HIBADH: variants seen among roughly 807,000 people sequenced by gnomAD.
HIBADH encodes the protein 3-hydroxyisobutyrate dehydrogenase, mitochondrial.
HIBADH carries 25 observed loss-of-function variants against 36.1 expected under a neutral mutation model. The ratio of observed to expected loss-of-function variants is 0.69; its 90% confidence interval spans 0.50 to 0.97. HIBADH has a LOEUF of 0.97. Among genes scored for constraint, HIBADH ranks in the 50% least tolerant of loss-of-function variants. The probability of loss-of-function intolerance (pLI) is 0.00; values close to 1 mark genes in which losing one functional copy is unlikely to be tolerated. For synonymous variants in HIBADH, 160 were observed against 149.5 expected (o/e 1.07, Z -0.51); for missense variants, 421 against 418.0 (o/e 1.01, Z -0.06).
chr7:27,629,235 G>C, intron 4 of HIBADH, 136 bp downstream of exon 4: 1 of 753,056 alleles, frequency 1.3e-6, no homozygotes, highest in Non-Finnish European at 2.1e-6. Flanking sequence ...TAACGTATCA[G>C]TTTGGCTTTA....
chr7:27,576,164 GGGA>G lies in HIBADH; in HGVS notation c.485-33067_485-33065del, dbSNP rs1376177154. 3.3e-5 allele frequency among the ~76,000 whole-genome samples: 5 copies of G among 152,300 alleles called. No individual in the cohort carries two copies. The South Asian group carries it at 1.0e-3, about 32-fold the overall frequency. On this transcript the variant is annotated intron_variant, in intron 4 of 7. Transcript: ENST00000265395. ...AATGAAGCAGGAAGACAAGACATGA[GGGA>G]GGAGGAGGAACTGATCATAACCATT...
intron 5 of HIBADH, 50 bp from the exon 6 acceptor site, chr7:27,538,467 C>A: frequency 6.6e-7 from 1 of 1,517,266 alleles, no homozygotes; most frequent in Non-Finnish European, 9.1e-7. Flanking sequence ...CAAGGTAAAA[C>A]TCACAGGACG....
chr7:27,631,373 A>G (rs1785743191), intron 3 of HIBADH, among the ~76,000 whole-genome samples: 1 of 152,182 alleles, frequency 6.6e-6, no homozygotes. Context: ...CTTCCTTCCA[A>G]GTTGGTTAGT....
At chr7:27,571,870 C>T (rs1255588085) in intron 4 of HIBADH, among the ~76,000 whole-genome samples, 1 of 152,128 alleles carries the variant, frequency 6.6e-6, no homozygotes, top group East Asian at 1.9e-4. Flanking sequence ...ACTCTATGCC[C>T]ATAAATTCAG....
chr7:27,662,713 C>T lies in HIBADH; in HGVS notation c.76G>A (p.Gly26Ser). 7.3e-7 allele frequency: 1 copy of T among 1,369,970 alleles called. No homozygotes were observed. The highest frequency in any genetic ancestry group is 9.5e-7 in the Non-Finnish European group (1 of 1,055,346). The allele number at this position is 1,369,970 out of a possible 1,614,324, so 84.9% of individuals were successfully genotyped here. Residue 26 changes from glycine (G) to serine (S), a missense_variant, in exon 1 of 8, where the codon GGC becomes AGC. By Grantham distance (56) the Gly-to-Ser change is moderately conservative. Transcript: ENST00000265395. The stretch of plus-strand genomic sequence containing the variant: ...AGGTCCTTACCCGCTGCAAAGCTGC[C>T]GGCTGCCGGCCGCAGCCGCCGGCTC... ...YWSRRLRPAA[G>S]SFAAVCSRSV... is the part of the protein sequence containing the mutation.
intron 4 of HIBADH, among the ~76,000 whole-genome samples, chr7:27,549,892 ATTAC>A (rs1238103624): frequency 1.3e-5 from 2 of 152,074 alleles, no homozygotes; most frequent in Non-Finnish European, 2.9e-5. Flanking sequence ...ATTATTCACT[ATTAC>A]TTAGCATTTC....
chr7:27,562,042 T>C (rs1186282743), intron 4 of HIBADH, among the ~76,000 whole-genome samples: 1 of 152,150 alleles, frequency 6.6e-6, no homozygotes, highest in African/African-American at 2.4e-5. Flanking sequence ...GCAGGAGTTT[T>C]CAAAAATCCA....
At chr7:27,661,506 T>A (rs927295573) in intron 1 of HIBADH, among the ~76,000 whole-genome samples, 3 of 140,672 alleles carry the variant, frequency 2.1e-5, no homozygotes, top group Non-Finnish European at 4.5e-5. Flanking sequence ...GAGGATCACC[T>A]GAGCCCAGGA....
chr7:27,610,602 T>C (rs778695761), intron 4 of HIBADH, among the ~76,000 whole-genome samples: 2 of 152,122 alleles, frequency 1.3e-5, no homozygotes, highest in Non-Finnish European at 2.9e-5. Context: ...TCGAAGCACT[T>C]GTGAGAGTAT....
intron 4 of HIBADH, among the ~76,000 whole-genome samples, chr7:27,611,806 T>G (rs1337398371): frequency 6.6e-6 from 1 of 152,196 alleles, no homozygotes; most frequent in Non-Finnish European, 1.5e-5. Context: ...AAGATAAATG[T>G]TCCATGAACA....
chr7:27,607,444 G>A (rs1023248802), intron 4 of HIBADH, among the ~76,000 whole-genome samples: 4 of 152,146 alleles, frequency 2.6e-5, no homozygotes, highest in African/African-American at 9.7e-5. Flanking sequence ...AAGAGACGGA[G>A]GTTGCCGTGA....
chr7:27,654,723 C>G (rs1446598827), intron 1 of HIBADH, among the ~76,000 whole-genome samples: 1 of 150,276 alleles, frequency 6.7e-6, no homozygotes. Flanking sequence ...GGGTCTCACT[C>G]TGTCGCCCAG....
chr7:27,627,375 C>T (rs1041738662), intron 4 of HIBADH, among the ~76,000 whole-genome samples: 12 of 152,126 alleles, frequency 7.9e-5, no homozygotes, highest in Admixed American at 7.9e-4. Context: ...CACATTTTAG[C>T]CCTACCTGTT....
chr7:27,605,724 G>C (rs1785213295), intron 4 of HIBADH, among the ~76,000 whole-genome samples: 1 of 150,212 alleles, frequency 6.7e-6, no homozygotes, highest in African/African-American at 2.4e-5. Flanking sequence ...CAAATATTTA[G>C]AGTTTAGAAA....
At chr7:27,617,060 T>C (rs557460696) in intron 4 of HIBADH, among the ~76,000 whole-genome samples, 3 of 152,328 alleles carry the variant, frequency 2.0e-5, no homozygotes, top group African/African-American at 4.8e-5. Flanking sequence ...TGTACAGTAA[T>C]GTCCTGGGCC....
At chr7:27,582,613 T>C (rs796439160) in intron 4 of HIBADH, among the ~76,000 whole-genome samples, 3 of 152,266 alleles carry the variant, frequency 2.0e-5, no homozygotes, top group African/African-American at 4.8e-5. Context: ...ATTTACATTA[T>C]TCTAATTGAA....
At chr7:27,645,540 G>A (rs1323020860) in intron 2 of HIBADH, among the ~76,000 whole-genome samples, 1 of 151,406 alleles carries the variant, frequency 6.6e-6, no homozygotes. Context: ...CACCACACTT[G>A]GCTAATTTTT....
At chr7:27,626,982 C>A (rs576129087) in intron 4 of HIBADH, among the ~76,000 whole-genome samples, 1 of 152,252 alleles carries the variant, frequency 6.6e-6, no homozygotes, top group East Asian at 1.9e-4. Flanking sequence ...GCCATGCTTT[C>A]CCCACATCCC....
At chr7:27,606,208 A>G (rs1057287363) in intron 4 of HIBADH, among the ~76,000 whole-genome samples, 1 of 152,230 alleles carries the variant, frequency 6.6e-6, no homozygotes, top group African/African-American at 2.4e-5. Context: ...GTTGCTTTGT[A>G]AAATTACACT....
Sources: allele counts gnomAD v4.1 joint callset (sites outside exome capture counted in the v4.1 genomes callset), GRCh38; gene constraint gnomAD v4.1.1; transcripts MANE v1.5; gene names NCBI Gene and HGNC (gene_info 2026-07-23, HGNC 2026-07-21).